SLC2A6: variants seen among roughly 807,000 people sequenced by gnomAD.
The protein encoded by SLC2A6 is solute carrier family 2 member 6.
SLC2A6 carries 39 observed loss-of-function variants against 47.8 expected under a neutral mutation model. That is an observed-to-expected ratio of 0.82 (90% CI 0.63 to 1.07). The LOEUF is 1.07. Among genes scored for constraint, SLC2A6 ranks in the 50% least tolerant of loss-of-function variants. The probability of loss-of-function intolerance (pLI) is 0.00; values close to 1 mark genes in which losing one functional copy is unlikely to be tolerated. For missense variants in SLC2A6, 650 were observed against 707.6 expected (o/e 0.92, Z 0.92); for synonymous variants, 346 against 324.1 (o/e 1.07, Z -0.73).
chr9:133,474,969 C>A lies in SLC2A6; in HGVS notation c.919G>T (p.Val307Phe). 6.4e-7 allele frequency: 1 copy of A among 1,566,558 alleles called. No individual in the cohort carries two copies. Among genetic ancestry groups the A allele is most frequent in the Non-Finnish European group, 8.6e-7 (1 of 1,156,636 alleles). The change falls in exon 6 of 10, where the codon GTC becomes TTC. Residue 307 changes from valine to phenylalanine, a missense_variant. Transcript: ENST00000371899. The stretch of plus-strand genomic sequence containing the variant: ...CGGGGCTGGGCTCTCACCAGCAGGA[C>A]AGCGGTGCTGTCGAAGATGGACTGC... ...YLQSIFDSTA[V>F]LLPPKDDAAI...
chr9:133,473,983 A>G lies in SLC2A6; in HGVS notation c.1033T>C (p.Ser345Pro). ...GGGCTGCCTGCAGGGTGCTTACCTGAGACGAAGAGCAGCACCTTGCGGCCT... is the reference window on the plus strand; with the variant it reads ...GGGCTGCCTGCAGGGTGCTTACCTGGGACGAAGAGCAGCACCTTGCGGCCT... ...LAGRKVLLFV[S>P]AAIMFAANLT... is the part of the protein sequence containing the mutation. Residue 345 changes from serine to proline, a missense_variant, in exon 7 of 10, where the codon TCA (serine) becomes CCA (proline). By Grantham distance (74) the Ser-to-Pro change is moderately conservative. Transcript: ENST00000371899. 1 of 1,604,828 alleles carries G rather than the reference A, an allele frequency of 6.2e-7. No individual in the cohort carries two copies. The highest frequency in any genetic ancestry group is 1.1e-5 in the South Asian group (1 of 89,882).
At position 133,473,620 on chromosome 9, in the gene SLC2A6, C is replaced by T. The variant is rs1384780877; in HGVS notation, c.1037-20G>A. ...TGGCCGCTGTGGACAGACAGGTGGC[C>T]TCGTGGGGCCAGGACCCTCTGAGCC... On this transcript the variant is annotated intron_variant, in intron 7 of 9. Coordinates refer to ENST00000371899, the MANE Select transcript of SLC2A6 (RefSeq NM_017585.4). The T allele has an allele frequency of 2.7e-6, 4 of 1,504,192 alleles. No individual in the cohort carries two copies. In the East Asian group the frequency reaches 7.0e-5, roughly 26 times the overall value. The allele number at this position is 1,504,192 out of a possible 1,614,324, so 93.2% of individuals were successfully genotyped here.
chr9:133,475,747 C>T, intron 4 of SLC2A6, 136 bp from the exon 5 acceptor site: 5 of 804,134 alleles, frequency 6.2e-6, no homozygotes, highest in Non-Finnish European at 5.7e-6. Flanking sequence ...ACCCTGATTG[C>T]CCCAGGCAGG....
intron 2 of SLC2A6, 145 bp from the exon 3 acceptor site, chr9:133,477,386 T>TC: frequency 1.3e-6 from 1 of 743,184 alleles, no homozygotes; most frequent in Non-Finnish European, 2.2e-6. Context: ...ACAGGGAGCC[T>TC]CCTGTCTTCA....
rs782393938 is a variant in SLC2A6, at chr9:133,475,408, G to C, written c.766C>G (p.Arg256Gly). The C allele has an allele frequency of 1.2e-6, 2 of 1,600,152 alleles. No homozygotes were observed. Among genetic ancestry groups the C allele is most frequent in the African/African-American group, 2.7e-5 (2 of 74,726 alleles). Residue 256 changes from arginine to glycine, a missense_variant, in exon 5 of 10, where the codon CGG becomes GGG. By Grantham distance (125) the Arg-to-Gly change is moderately radical. Transcript: ENST00000371899. Reference sequence around the variant, plus strand: ...CGCACACCCTCCTGCACCTGTCTCCGGACGTTGTCCTGGATCTGCTCGAAC... The same window carrying C: ...CGCACACCCTCCTGCACCTGTCTCCCGACGTTGTCCTGGATCTGCTCGAAC... ...WEFEQIQDNV[R>G]RQSSRVSWAE... is the part of the protein sequence containing the mutation.
chr9:133,478,548 G>T, intron 1 of SLC2A6, 132 bp from the exon 2 acceptor site: 1 of 980,400 alleles, frequency 1.0e-6, no homozygotes, highest in Non-Finnish European at 1.5e-6. Context: ...GGCCATTCAC[G>T]TTCCCAGGGC....
At chr9:133,472,197 C>A (rs375977873) in intron 9 of SLC2A6, 21 bp from the exon 10 acceptor site, 1 of 1,610,372 alleles carries the variant, frequency 6.2e-7, no homozygotes, top group South Asian at 1.1e-5. Flanking sequence ...AGAGCGGGGC[C>A]GGGTCACAGG....
chr9:133,478,547 C>A, intron 1 of SLC2A6, 131 bp from the exon 2 acceptor site: 1 of 992,788 alleles, frequency 1.0e-6, no homozygotes, highest in South Asian at 1.6e-5. Context: ...AGGCCATTCA[C>A]GTTCCCAGGG....
intron 1 of SLC2A6, 48 bp from the exon 2 acceptor site, chr9:133,478,464 C>T (rs1554803943): frequency 1.2e-6 from 2 of 1,602,252 alleles, no homozygotes; most frequent in Non-Finnish European, 1.7e-6. Flanking sequence ...AGTCCCTCCT[C>T]CAGGGACCAT....
chr9:133,471,732 T>C lies in SLC2A6; in HGVS notation c.*289A>G, dbSNP rs1053824106. The C allele has an allele frequency of 2.4e-5, 9 of 367,716 alleles. No homozygotes were observed. Among genetic ancestry groups the C allele is most frequent in the Non-Finnish European group, 4.5e-5 (9 of 200,534 alleles). The allele number at this position is 367,716 out of a possible 1,614,324, so 22.8% of individuals were successfully genotyped here. On this transcript the variant is annotated 3_prime_UTR_variant, in exon 10 of 10. Coordinates refer to ENST00000371899, the MANE Select transcript of SLC2A6 (RefSeq NM_017585.4). ...TCACGCAAGGGAAAGGGACTAGGCC[T>C]GAGGTCACCCAGCAGGGCCGTGTCC...
At chr9:133,472,306 G>A (rs1843751332) in intron 9 of SLC2A6, 130 bp from the exon 10 acceptor site, 12 of 1,062,286 alleles carry the variant, frequency 1.1e-5, no homozygotes, top group Non-Finnish European at 1.6e-5. Flanking sequence ...TGTGTTCAGA[G>A]ACCGCCCCCC....
rs376006409 is a variant in SLC2A6 at position 133,473,257 on chromosome 9, G to A, written c.1223-7C>T. ...CCCCAGCCCACGGCGTAGCCTGCTC[G>A]GAGGAGGAGGCAGGTTCAGGCCCTG... On this transcript the variant is annotated splice_polypyrimidine_tract_variant and splice_region_variant and intron_variant, in intron 8 of 9. Transcript: ENST00000371899. The A allele has an allele frequency of 1.6e-4, 247 of 1,565,218 alleles. No individual in the cohort carries two copies. The highest frequency in any genetic ancestry group is 2.0e-4 in the Non-Finnish European group (229 of 1,155,684).
chr9:133,473,805 C>A lies in SLC2A6; in HGVS notation c.1036+175G>T, dbSNP rs1843829762. 5.4e-6 allele frequency: 4 copies of A among 736,974 alleles called. No homozygotes were observed. In the South Asian group the frequency reaches 8.1e-5, roughly 15 times the overall value. 45.7% of individuals were successfully genotyped at this position (736,974 alleles called of 1,614,324 possible). On this transcript the variant is annotated intron_variant, in intron 7 of 9. Coordinates refer to ENST00000371899, the MANE Select transcript of SLC2A6 (RefSeq NM_017585.4). ...TCACAGCCAGTGTGTCCACTCGGAGCCCCAGCGGACCTTTCTGGACCACTG... is the reference window on the plus strand; with the variant it reads ...TCACAGCCAGTGTGTCCACTCGGAGACCCAGCGGACCTTTCTGGACCACTG...
Position 133,471,829 on chromosome 9 carries a change from C to T in SLC2A6, c.*192G>A. On this transcript the variant is annotated 3_prime_UTR_variant, in exon 10 of 10. Transcript: ENST00000371899. ...GCACTGTGGGCTGCCTGGGCTGGGG[C>T]TGTGGCTGGACAGCAGTGCTACCTG... The T allele has an allele frequency of 1.6e-6, 1 of 623,082 alleles. No homozygotes were observed. The allele number at this position is 623,082 out of a possible 1,614,324, so 38.6% of individuals were successfully genotyped here.
intron 3 of SLC2A6, 72 bp downstream of exon 3, chr9:133,476,963 G>A: frequency 1.4e-6 from 2 of 1,464,048 alleles, no homozygotes; most frequent in South Asian, 1.3e-5. Flanking sequence ...AGGCTGGGAG[G>A]CCTTAGTCAG....
chr9:133,473,052 C>A, intron 9 of SLC2A6, 53 bp downstream of exon 9: 1 of 1,550,142 alleles, frequency 6.5e-7, no homozygotes, highest in Non-Finnish European at 8.7e-7. Flanking sequence ...TGAGAAGGGT[C>A]CTGGCCAGTC....
At chr9:133,475,639 A>C (rs1843917312) in intron 4 of SLC2A6, 28 bp from the exon 5 acceptor site, 1 of 1,550,104 alleles carries the variant, frequency 6.5e-7, no homozygotes, top group Non-Finnish European at 8.7e-7. Context: ...GTGAGGGGCC[A>C]GGTCCAGGCC....
Position 133,471,881 on chromosome 9 carries a change from A to T in SLC2A6, c.*140T>A. ...CCCGAGCCAGGGGCACCCGCTGCTG[A>T]GGCCCCATCACACTGCTCTTCCTGT... On this transcript the variant is annotated 3_prime_UTR_variant, in exon 10 of 10. Coordinates refer to ENST00000371899, the MANE Select transcript of SLC2A6 (RefSeq NM_017585.4). 1.0e-6 allele frequency: 1 copy of T among 994,638 alleles called. No individual in the cohort carries two copies. The allele number at this position is 994,638 out of a possible 1,614,324, so 61.6% of individuals were successfully genotyped here.
intron 7 of SLC2A6, 35 bp downstream of exon 7, chr9:133,473,945 G>A (rs782161225): frequency 6.6e-7 from 1 of 1,515,228 alleles, no homozygotes; most frequent in African/African-American, 1.4e-5. Flanking sequence ...CCATGCGGAG[G>A]AGTGGGGCAG....
Sources: allele counts gnomAD v4.1 joint callset, GRCh38; gene constraint gnomAD v4.1.1; transcripts MANE v1.5; gene names NCBI Gene and HGNC (gene_info 2026-07-23, HGNC 2026-07-21).